The following RASGEF1C variants were observed in gnomAD, a reference collection of about 807,000 sequenced individuals.
RASGEF1C encodes the protein ras-GEF domain-containing family member 1C.
In RASGEF1C, 27 loss-of-function variants were observed where a neutral mutation model predicts 58.1. That is an observed-to-expected ratio of 0.46 (90% CI 0.34 to 0.64). RASGEF1C has a LOEUF of 0.64. Among genes scored for constraint, RASGEF1C ranks in the 30% least tolerant of loss-of-function variants. The pLI is 0.01. For missense variants in RASGEF1C, 502 were observed against 605.1 expected, an observed-to-expected ratio of 0.83 and a Z score of 1.79; for synonymous variants, 243 against 246.3, an observed-to-expected ratio of 0.99 and a Z score of 0.13.
Position 180,136,425 on chromosome 5 carries a change from T to C in RASGEF1C, c.391A>G (p.Ile131Val), listed in dbSNP as rs1281859702. ...FPRDFQEEST[I>V]GHLKDVVGRI... ...CCCACGACGTCCTTAAGGTGCCCGA[T>C]AGTCGACTCTTCCTGGAAGTCCCTT... The change falls in exon 4 of 14, where the codon ATC becomes GTC. Residue 131 changes from isoleucine (I) to valine (V), a missense_variant. By Grantham distance (29) the Ile-to-Val change is conservative. Transcript: ENST00000361132. 3.2e-6 allele frequency: 5 copies of C among 1,561,198 alleles called. No individual in the cohort carries two copies. Among genetic ancestry groups the C allele is most frequent in the East Asian group, 4.8e-5 (2 of 41,722 alleles).
rs35778456 is a variant in RASGEF1C at position 180,186,101 on chromosome 5, G to GAAAA, written c.-7+22923_-7+22926dup. ...GACAGAGCCAGGCCCTATCTCCACA[G>GAAAA]AAAAAAAAAAAAAAAAAAAAAAGAC... On this transcript the variant is annotated intron_variant, in intron 1 of 13. Coordinates refer to ENST00000361132, the MANE Select transcript of RASGEF1C (RefSeq NM_175062.4). Among the ~76,000 whole-genome samples the GAAAA allele has an allele frequency of 1.2e-4, 10 of 81,168 alleles. 1 individual carries two copies. Among genetic ancestry groups the GAAAA allele is most frequent in the African/African-American group, 1.9e-4 (4 of 20,866 alleles). 53.2% of individuals were successfully genotyped at this position (81,168 alleles called of 152,430 possible).
intron 4 of RASGEF1C, among the ~76,000 whole-genome samples, chr5:180,131,782 G>A (rs1363341555): frequency 6.6e-6 from 1 of 152,136 alleles, no homozygotes. Context: ...CCCTTGATAG[G>A]GCCACGAGAT....
At chr5:180,185,387 C>A (rs534584937) in intron 1 of RASGEF1C, among the ~76,000 whole-genome samples, 33 of 152,098 alleles carry the variant, frequency 2.2e-4, no homozygotes, top group African/African-American at 7.5e-4. Context: ...GAGTTTCAGA[C>A]CATCCTGGCC....
At chr5:180,161,116 G>C (rs1766937531) in intron 1 of RASGEF1C, among the ~76,000 whole-genome samples, 1 of 152,218 alleles carries the variant, frequency 6.6e-6, no homozygotes, top group South Asian at 2.1e-4. Flanking sequence ...TGGTGGCAGA[G>C]AGCAGAGAAA....
intron 1 of RASGEF1C, among the ~76,000 whole-genome samples, chr5:180,179,288 G>C (rs150832898): frequency 3.7e-4 from 56 of 152,270 alleles, no homozygotes; most frequent in African/African-American, 1.3e-3. Flanking sequence ...TCTGAGATGA[G>C]GGAGGCTGCA....
intron 6 of RASGEF1C, among the ~76,000 whole-genome samples, chr5:180,125,285 T>C (rs1255827588): frequency 6.6e-6 from 1 of 152,148 alleles, no homozygotes; most frequent in Non-Finnish European, 1.5e-5. Context: ...TTAACAACCA[T>C]TCATGATGAG....
At chr5:180,140,536 G>A (rs1162209476) in intron 1 of RASGEF1C, among the ~76,000 whole-genome samples, 2 of 152,172 alleles carry the variant, frequency 1.3e-5, no homozygotes, top group African/African-American at 4.8e-5. Context: ...TGCGGTGGAT[G>A]TCCTGGCCCC....
intron 1 of RASGEF1C, among the ~76,000 whole-genome samples, chr5:180,190,494 A>G (rs1327894190): frequency 1.6e-5 from 1 of 61,712 alleles, no homozygotes; most frequent in Admixed American, 2.1e-4. Context: ...CGTCTCAAAA[A>G]AAAAAAAAAA....
In RASGEF1C at chr5:180,143,919, C is replaced by T. The variant is rs756493824; in HGVS notation, c.-6-5861G>A. Among the ~76,000 whole-genome samples, 20 of 152,132 alleles carry T rather than the reference C, an allele frequency of 1.3e-4. No homozygotes were observed. Among genetic ancestry groups the T allele is most frequent in the Non-Finnish European group, 2.5e-4 (17 of 68,022 alleles). On this transcript the variant is annotated intron_variant, in intron 1 of 13. Transcript: ENST00000361132. The surrounding 1 kb of genome is among the most constrained non-coding windows in gnomAD (Gnocchi z 4.3). ...GGGCTGGAGGGATGTTCTCCCTGGG[C>T]CAGGTGTGGCAGAAGGGACAGAGGT...
rs900644072 is a variant in RASGEF1C, at chr5:180,136,691, G to A, written c.301-176C>T. 242 of 641,134 alleles carry A rather than the reference G, an allele frequency of 3.8e-4. 2 individuals carry two copies. The East Asian group carries it at 7.0e-3, about 18-fold the overall frequency. 39.7% of individuals were successfully genotyped at this position (641,134 alleles called of 1,614,324 possible). ...CTGCGCCCACGGGGAGAGGAGGGGG[G>A]ACGGACACATTTCTGGGCAGGGCCA... On this transcript the variant is annotated intron_variant, in intron 3 of 13. Transcript: ENST00000361132.
chr5:180,146,308 CATTTTGT>C (rs373504722), intron 1 of RASGEF1C, among the ~76,000 whole-genome samples: 14 of 152,120 alleles, frequency 9.2e-5, no homozygotes, highest in African/African-American at 2.2e-4. Context: ...ACACCCGGCT[CATTTTGT>C]ATTTTGTATT....
At chr5:180,125,549 A>T (rs1055177737) in intron 6 of RASGEF1C, among the ~76,000 whole-genome samples, 1 of 151,948 alleles carries the variant, frequency 6.6e-6, no homozygotes, top group East Asian at 1.9e-4. Context: ...TTGGGAGTCC[A>T]AGGCGGGTGG....
intron 1 of RASGEF1C, among the ~76,000 whole-genome samples, chr5:180,188,814 C>G (rs1204643988): frequency 2.0e-5 from 3 of 152,254 alleles, no homozygotes; most frequent in East Asian, 1.9e-4. Context: ...GTTTTTCAAC[C>G]CTTGTCTTCC....
intron 4 of RASGEF1C, among the ~76,000 whole-genome samples, chr5:180,129,532 C>T (rs1766326708): frequency 6.6e-6 from 1 of 152,210 alleles, no homozygotes; most frequent in Admixed American, 6.5e-5. Context: ...CAATCGGAGC[C>T]CCCAGACCCT....
chr5:180,184,989 C>A (rs1756007312), intron 1 of RASGEF1C, among the ~76,000 whole-genome samples: 2 of 152,168 alleles, frequency 1.3e-5, no homozygotes, highest in African/African-American at 4.8e-5. Context: ...ATAAAACCAG[C>A]AGATAGAAAA....
At chr5:180,121,459 G>C (rs12652403) in intron 6 of RASGEF1C, among the ~76,000 whole-genome samples, 3 of 151,562 alleles carry the variant, frequency 2.0e-5, no homozygotes, top group Admixed American at 1.3e-4. Flanking sequence ...GACTACAGGC[G>C]CCCGCCACCA....
chr5:180,101,623 G>A, intron 13 of RASGEF1C, 98 bp from the exon 14 acceptor site: 3 of 1,454,440 alleles, frequency 2.1e-6, no homozygotes, highest in Non-Finnish European at 2.8e-6. Flanking sequence ...GCGCTGAGGA[G>A]AGCCAGCCTC....
intron 12 of RASGEF1C, among the ~76,000 whole-genome samples, chr5:180,110,683 G>A (rs1448095351): frequency 1.3e-5 from 2 of 152,194 alleles, no homozygotes; most frequent in Non-Finnish European, 2.9e-5. Context: ...TTATTTAGTG[G>A]AGAGGACAGA....
At chr5:180,125,975 A>G (rs1766250694) in intron 6 of RASGEF1C, among the ~76,000 whole-genome samples, 1 of 152,220 alleles carries the variant, frequency 6.6e-6, no homozygotes, top group African/African-American at 2.4e-5. Context: ...CACTGTGGGA[A>G]TATTTATAAC....
Sources: allele counts gnomAD v4.1 joint callset (sites outside exome capture counted in the v4.1 genomes callset), GRCh38; gene constraint gnomAD v4.1.1; non-coding constraint Gnocchi (gnomAD v3.1); transcripts MANE v1.5; gene names NCBI Gene and HGNC (gene_info 2026-07-23, HGNC 2026-07-21).